PSMD5: variants seen among roughly 807,000 people sequenced by gnomAD.
PSMD5 encodes the protein 26S proteasome non-ATPase regulatory subunit 5.
In PSMD5, 40 loss-of-function variants were observed where a neutral mutation model predicts 52.1. The observed-to-expected ratio is 0.77, with a 90% CI of 0.60 to 1.00. The LOEUF (loss-of-function observed/expected upper bound fraction) is 1.00. PSMD5 is among the 50% of genes least tolerant of loss of function. The pLI is 0.00. For synonymous variants in PSMD5, 211 were observed against 226.6 expected (o/e 0.93, Z 0.62); for missense variants, 575 against 605.2 (o/e 0.95, Z 0.52).
intron 4 of PSMD5, among the ~76,000 whole-genome samples, chr9:120,830,202 A>C (rs1301033904): frequency 1.3e-5 from 2 of 152,230 alleles, no homozygotes; most frequent in Non-Finnish European, 2.9e-5. Context: ...ATACCCAACT[A>C]AGCAGACTGT....
chr9:120,824,331 A>C, intron 7 of PSMD5, 163 bp downstream of exon 7: 1 of 700,906 alleles, frequency 1.4e-6, no homozygotes, highest in Non-Finnish European at 2.4e-6. Context: ...GGTTTTCCGT[A>C]ATAATTATTA....
Position 120,816,305 on chromosome 9 carries a change from T to C in PSMD5, c.*1601A>G, listed in dbSNP as rs1458735284. 1 of 152,316 alleles carries C rather than the reference T, an allele frequency of 6.6e-6. No homozygotes were observed. The highest frequency in any genetic ancestry group is 1.9e-4 in the East Asian group (1 of 5,204). 9.4% of individuals were successfully genotyped at this position (152,316 alleles called of 1,614,324 possible). A position where few individuals can be genotyped will look rare whatever the true frequency, so the allele number is the denominator to read the frequency against. On this transcript the variant is annotated 3_prime_UTR_variant, in exon 10 of 10. Transcript: ENST00000210313. ...TTCTGAAGATGGATGGTGGTGATGG[T>C]TGTACAACTTATGAACATATGTAAT...
intron 1 of PSMD5, among the ~76,000 whole-genome samples, chr9:120,837,601 T>G (rs2045207257): frequency 6.6e-6 from 1 of 152,208 alleles, no homozygotes; most frequent in Non-Finnish European, 1.5e-5. Flanking sequence ...AGTTTTGTAG[T>G]TTTAGGTTTT....
chr9:120,822,545 A>G (rs902305311), intron 7 of PSMD5, among the ~76,000 whole-genome samples: 3 of 152,004 alleles, frequency 2.0e-5, no homozygotes, highest in Middle Eastern at 3.2e-3. Context: ...TTCTTTTTCT[A>G]TTTTCTAATT....
intron 4 of PSMD5, among the ~76,000 whole-genome samples, chr9:120,830,187 G>C (rs907570226): frequency 6.6e-6 from 1 of 152,164 alleles, no homozygotes; most frequent in Non-Finnish European, 1.5e-5. Flanking sequence ...ATGAGCCAAG[G>C]TCTAATACCC....
At chr9:120,830,088 G>A (rs961494326) in intron 4 of PSMD5, among the ~76,000 whole-genome samples, 1 of 152,162 alleles carries the variant, frequency 6.6e-6, no homozygotes, top group African/African-American at 2.4e-5. Flanking sequence ...GGTAGAAGCT[G>A]TACTAATGAA....
rs2297575 is a variant in PSMD5, at chr9:120,842,848, T to C, written c.62A>G (p.Glu21Gly). The C allele has an allele frequency of 0.018, 28,889 of 1,607,506 alleles. 2,416 individuals are homozygous for C. The Admixed American group carries it at 0.21, about 12-fold the overall frequency. Residue 21 changes from glutamate to glycine, a missense_variant, in exon 1 of 10, where the codon GAG becomes GGG. Transcript: ENST00000210313. Reference sequence around the variant, plus strand: ...CAGCACGGAGTGAAGCGCGCGTAGCTCCTCCAGCGGCGCTTCCAGCCTCGC... The same window carrying C: ...CAGCACGGAGTGAAGCGCGCGTAGCCCCTCCAGCGGCGCTTCCAGCCTCGC... ...EVARLEAPLEELRALHSVLQA... is the reference protein window; with the variant it reads ...EVARLEAPLEGLRALHSVLQA...
At chr9:120,833,513 A>T (rs759958698) in intron 1 of PSMD5, 57 bp from the exon 2 acceptor site, 1 of 1,542,230 alleles carries the variant, frequency 6.5e-7, no homozygotes, top group Non-Finnish European at 8.8e-7. Context: ...AGGAAGTAAC[A>T]ACCTAATAAT....
At chr9:120,837,923 A>T (rs1169307725) in intron 1 of PSMD5, among the ~76,000 whole-genome samples, 1 of 152,252 alleles carries the variant, frequency 6.6e-6, no homozygotes, top group East Asian at 1.9e-4. Flanking sequence ...CTTACACTCA[A>T]CAATAAAAAG....
Position 120,842,725 on chromosome 9 carries a change from G to T in PSMD5, c.173+12C>A, listed in dbSNP as rs367898601. 5.6e-5 allele frequency: 91 copies of T among 1,612,940 alleles called. No homozygotes were observed. Among genetic ancestry groups the T allele is most frequent in the Non-Finnish European group, 7.5e-5 (89 of 1,179,988 alleles). On this transcript the variant is annotated intron_variant, in intron 1 of 9. Transcript: ENST00000210313. ...CCCCTCTCCTCGGCTCAAGCCCCCG[G>T]GGTCCTCTCACCTATGGTTCTCGTT...
intron 6 of PSMD5, among the ~76,000 whole-genome samples, chr9:120,825,663 A>AT (rs1037976874): frequency 1.3e-5 from 2 of 151,904 alleles, no homozygotes; most frequent in African/African-American, 4.8e-5. Flanking sequence ...TAAATATTTA[A>AT]TTTTTTTTGA....
At chr9:120,824,798 G>C in intron 6 of PSMD5, 113 bp from the exon 7 acceptor site, 1 of 876,544 alleles carries the variant, frequency 1.1e-6, no homozygotes, top group Non-Finnish European at 1.7e-6. Flanking sequence ...GCATAGAAAG[G>C]TTAGAGTAGT....
chr9:120,831,497 T>G, intron 3 of PSMD5, 38 bp from the exon 4 acceptor site: 1 of 1,567,532 alleles, frequency 6.4e-7, no homozygotes, highest in South Asian at 1.2e-5. Flanking sequence ...ATTCCCAAAA[T>G]GCAGGTTATT....
intron 7 of PSMD5, 174 bp downstream of exon 7, chr9:120,824,320 A>AT: frequency 6.4e-6 from 4 of 629,594 alleles, no homozygotes; most frequent in Non-Finnish European, 1.1e-5. Flanking sequence ...AAAAAAAAAA[A>AT]GGTTTTCCGT....
chr9:120,842,223 G>A, intron 1 of PSMD5: 1 of 157,280 alleles, frequency 6.4e-6, no homozygotes, highest in South Asian at 1.7e-4. Flanking sequence ...CTCTCTTGCC[G>A]CTGCTTTTGG....
At chr9:120,824,934 C>A in intron 6 of PSMD5, 2 of 324,822 alleles carry the variant, frequency 6.2e-6, no homozygotes, top group Non-Finnish European at 1.1e-5. Context: ...AGAGGGAGAA[C>A]AAAGAAAAAG....
At chr9:120,836,915 A>T (rs1276858899) in intron 1 of PSMD5, among the ~76,000 whole-genome samples, 2 of 138,830 alleles carry the variant, frequency 1.4e-5, no homozygotes, top group South Asian at 2.2e-4. Flanking sequence ...TTTGAGACTG[A>T]GTCTCACTCT....
Position 120,821,459 on chromosome 9 carries a change from G to T in PSMD5, c.1012C>A (p.Arg338Ser). Residue 338 changes from arginine (R) to serine (S), a missense_variant, in exon 8 of 10, where the codon CGC (arginine) becomes AGC (serine). By Grantham distance (110) the Arg-to-Ser change is moderately radical. Coordinates refer to ENST00000210313, the MANE Select transcript of PSMD5 (RefSeq NM_005047.4). ...GKQVLQKTGT[R>S]FERLLMRIGH... is the part of the protein sequence containing the mutation. ...ATTCTCATAAGCAAGCGTTCAAAGC[G>T]AGTTCCTTTGAAGGATAACAGTGAG... is the stretch of plus-strand genomic sequence containing the variant. 1 of 1,579,674 alleles carries T rather than the reference G, an allele frequency of 6.3e-7. No homozygotes were observed. The highest frequency in any genetic ancestry group is 8.6e-7 in the Non-Finnish European group (1 of 1,162,574).
intron 7 of PSMD5, chr9:120,824,109 T>TA (rs34305055): frequency 0.024 from 2,731 of 111,732 alleles, 23 homozygotes; most frequent in South Asian, 0.042. Context: ...CTCAATCTCT[T>TA]AAAAAAAAAA....
Sources: allele counts gnomAD v4.1 joint callset (sites outside exome capture counted in the v4.1 genomes callset), GRCh38; gene constraint gnomAD v4.1.1; transcripts MANE v1.5; gene names NCBI Gene and HGNC (gene_info 2026-07-23, HGNC 2026-07-21).